Variants in TAFA1 observed in about 807,000 individuals in gnomAD.
The protein encoded by TAFA1 is chemokine-like protein TAFA-1.
TAFA1 carries 4 observed loss-of-function variants against 18.5 expected under a neutral mutation model. The observed-to-expected ratio is 0.22, with a 90% CI of 0.11 to 0.49. The LOEUF (loss-of-function observed/expected upper bound fraction) is 0.49. TAFA1 is among the 20% of genes least tolerant of loss of function. The pLI is 0.98. For missense variants in TAFA1, 147 were observed against 169.0 expected (o/e 0.87, Z 0.72); for synonymous variants, 56 against 55.2 (o/e 1.01, Z -0.06).
intron 2 of TAFA1, among the ~76,000 whole-genome samples, chr3:68,263,435 C>CCACACACACACACA (rs1273459888): frequency 5.3e-4 from 46 of 86,558 alleles, no homozygotes; most frequent in African/African-American, 8.7e-4. Flanking sequence ...GATACTTTAA[C>CCACACACACACACA]CACACACACA....
intron 2 of TAFA1, among the ~76,000 whole-genome samples, chr3:68,245,083 A>G (rs13093483): frequency 0.085 from 12,931 of 152,258 alleles, 709 homozygotes; most frequent in Middle Eastern, 0.12. Context: ...AGACCCTTAA[A>G]AATACGTTTT....
At chr3:68,515,399 A>G (rs927279535) in intron 3 of TAFA1, among the ~76,000 whole-genome samples, 1 of 152,202 alleles carries the variant, frequency 6.6e-6, no homozygotes, top group Admixed American at 6.5e-5. Context: ...TTTCAGCCAG[A>G]AAGAGATGGA....
At chr3:68,405,261 G>T (rs2070576204) in intron 2 of TAFA1, among the ~76,000 whole-genome samples, 2 of 152,008 alleles carry the variant, frequency 1.3e-5, no homozygotes, top group African/African-American at 4.8e-5. Flanking sequence ...AATGATTATT[G>T]TTGGGCTTCT....
intron 2 of TAFA1, among the ~76,000 whole-genome samples, chr3:68,162,962 GA>G (rs1182578849): frequency 1.4e-4 from 21 of 151,662 alleles, no homozygotes; most frequent in African/African-American, 2.2e-4. Flanking sequence ...GCTTGGGACA[GA>G]AAAAAAAGCA....
chr3:68,222,252 C>T (rs983534642), intron 2 of TAFA1, among the ~76,000 whole-genome samples: 11 of 152,080 alleles, frequency 7.2e-5, no homozygotes, highest in African/African-American at 1.7e-4. Flanking sequence ...ATGTCATTGC[C>T]GTTAGGTTAT....
At chr3:68,497,770 A>C (rs1243324566) in intron 3 of TAFA1, among the ~76,000 whole-genome samples, 1 of 152,214 alleles carries the variant, frequency 6.6e-6, no homozygotes, top group Non-Finnish European at 1.5e-5. Context: ...GGAATGACAC[A>C]GGCAGAATGG....
rs566019880 is a variant in TAFA1 at position 68,201,183 on chromosome 3, T to G, written c.118+194439T>G. 2.0e-5 allele frequency among the ~76,000 whole-genome samples: 3 copies of G among 151,862 alleles called. No homozygotes were observed. In the South Asian group the frequency reaches 6.2e-4, roughly 31 times the overall value. ...TGTTTAATCTCCATGTATTTTGGGA[T>G]TTTCTAGTTATCTTTCTGTTATTGA... On this transcript the variant is annotated intron_variant, in intron 2 of 4. Coordinates refer to ENST00000478136, the MANE Select transcript of TAFA1 (RefSeq NM_213609.4).
chr3:68,260,283 G>A (rs1179916271), intron 2 of TAFA1, among the ~76,000 whole-genome samples: 2 of 152,146 alleles, frequency 1.3e-5, no homozygotes, highest in East Asian at 1.9e-4. Context: ...TCCCAGGGAT[G>A]AAGCCCACTT....
intron 2 of TAFA1, among the ~76,000 whole-genome samples, chr3:68,363,916 G>A (rs1241163376): frequency 1.3e-5 from 2 of 152,134 alleles, no homozygotes; most frequent in Non-Finnish European, 2.9e-5. Context: ...ACTCTGCAGT[G>A]TCTCAGGGGT....
intron 3 of TAFA1, among the ~76,000 whole-genome samples, chr3:68,512,159 G>A (rs117866004): frequency 3.3e-5 from 5 of 152,120 alleles, no homozygotes; most frequent in East Asian, 1.9e-4. Context: ...AATGCTTCAC[G>A]TGATGCACAG....
intron 2 of TAFA1, among the ~76,000 whole-genome samples, chr3:68,111,775 TGAGAAAGAGAGA>T (rs1191857678): frequency 2.3e-4 from 6 of 26,230 alleles, no homozygotes; most frequent in Non-Finnish European, 4.6e-4. Flanking sequence ...GACACACACA[TGAGAAAGAGAGA>T]GAGAGAGAGA....
chr3:68,439,779 A>G (rs2071339320), intron 3 of TAFA1, among the ~76,000 whole-genome samples: 1 of 151,976 alleles, frequency 6.6e-6, no homozygotes, highest in Non-Finnish European at 1.5e-5. Flanking sequence ...CCCGGGATCG[A>G]TACTTTGCAT....
intron 3 of TAFA1, among the ~76,000 whole-genome samples, chr3:68,461,648 G>A (rs1011937351): frequency 6.6e-6 from 1 of 151,386 alleles, no homozygotes; most frequent in African/African-American, 2.4e-5. Context: ...CATGATGTCA[G>A]TAAGAATGAA....
At chr3:68,270,522 G>A (rs1184987094) in intron 2 of TAFA1, among the ~76,000 whole-genome samples, 2 of 152,166 alleles carry the variant, frequency 1.3e-5, no homozygotes, top group Non-Finnish European at 2.9e-5. Context: ...CGATTCCCCT[G>A]TCAGGGAAAT....
In TAFA1 at chr3:68,501,606, T is replaced by C. The variant is rs149689863; in HGVS notation, c.260-37150T>C. Among the ~76,000 whole-genome samples the C allele has an allele frequency of 2.0e-5, 3 of 152,276 alleles. No homozygotes were observed. The East Asian group carries it at 5.8e-4, about 29-fold the overall frequency. On this transcript the variant is annotated intron_variant, in intron 3 of 4. Transcript: ENST00000478136. ...ATGAATATCTAAACACTGTGCTAAATGCGGGAACCACAAGAGTGATGACAG... is the reference window on the plus strand; with the variant it reads ...ATGAATATCTAAACACTGTGCTAAACGCGGGAACCACAAGAGTGATGACAG...
chr3:68,439,425 A>ATATATATATATG (rs2071330714), intron 3 of TAFA1, among the ~76,000 whole-genome samples: 1 of 130,068 alleles, frequency 7.7e-6, no homozygotes, highest in African/African-American at 2.9e-5. Flanking sequence ...ATATATATAT[A>ATATATATATATG]TATATATATA....
chr3:68,438,909 G>A (rs543526688), intron 3 of TAFA1, among the ~76,000 whole-genome samples: 1 of 152,186 alleles, frequency 6.6e-6, no homozygotes, highest in East Asian at 1.9e-4. Flanking sequence ...AAAGTGTCGT[G>A]GTATCCCTGA....
chr3:68,394,787 C>T (rs1559649853), intron 2 of TAFA1, among the ~76,000 whole-genome samples: 4 of 152,064 alleles, frequency 2.6e-5, no homozygotes, highest in African/African-American at 7.2e-5. Flanking sequence ...ACACTTTATA[C>T]AAAAAATAAC....
chr3:68,536,092 A>T (rs1305333731), intron 3 of TAFA1, among the ~76,000 whole-genome samples: 2 of 152,194 alleles, frequency 1.3e-5, no homozygotes, highest in African/African-American at 4.8e-5. Context: ...AAAGGCTCAC[A>T]TTCCTCACAT....
Sources: gnomAD v4.1 joint callset for allele counts (sites outside exome capture counted in the v4.1 genomes callset) on GRCh38, gnomAD v4.1.1 for gene constraint, MANE v1.5 for transcripts, NCBI Gene and HGNC (gene_info 2026-07-23, HGNC 2026-07-21) for gene names.